PSMD14: variants seen among roughly 807,000 people sequenced by gnomAD.
PSMD14 encodes ubiquitin C-terminal hydrolase PSMD14.
PSMD14 carries 7 observed loss-of-function variants against 41.2 expected under a neutral mutation model. The ratio of observed to expected loss-of-function variants is 0.17; its 90% CI spans 0.10 to 0.32. The LOEUF (loss-of-function observed/expected upper bound fraction) is 0.32. PSMD14 is among the 10% of genes least tolerant of loss of function. PSMD14 has a pLI of 1.00. For missense variants in PSMD14, 139 were observed against 375.6 expected (o/e 0.37, Z 5.21); for synonymous variants, 114 against 122.3 (o/e 0.93, Z 0.45).
chr2:161,344,317 G>T (rs1223814540), intron 3 of PSMD14, among the ~76,000 whole-genome samples: 1 of 152,148 alleles, frequency 6.6e-6, no homozygotes, highest in Non-Finnish European at 1.5e-5. Context: ...TGGAGATCAG[G>T]GTGCCAGTGT....
rs142887426 is a variant in PSMD14, at chr2:161,407,279, G to T, written c.772-1558G>T. Among the ~76,000 whole-genome samples the T allele has an allele frequency of 1.6e-3, 248 of 152,172 alleles. 2 individuals carry two copies. Among genetic ancestry groups the T allele is most frequent in the African/African-American group, 5.8e-3 (240 of 41,550 alleles). On this transcript the variant is annotated intron_variant, in intron 10 of 11. Transcript: ENST00000409682. ...GTGGGAGAAGCAATTTCCCAGTTAG[G>T]AAATACTTTTATAACTGAAAATAAT... is the stretch of plus-strand genomic sequence containing the variant.
intron 1 of PSMD14, among the ~76,000 whole-genome samples, chr2:161,309,640 A>C (rs3769968): frequency 0.15 from 22,965 of 152,062 alleles, 2,065 homozygotes; most frequent in East Asian, 0.3. Context: ...TTTAGAGGTT[A>C]AGATATATAG....
intron 3 of PSMD14, among the ~76,000 whole-genome samples, chr2:161,355,264 A>G (rs181956517): frequency 2.0e-5 from 3 of 152,254 alleles, no homozygotes; most frequent in Admixed American, 6.5e-5. Flanking sequence ...GCAATTATTT[A>G]TTGATTTATT....
intron 3 of PSMD14, among the ~76,000 whole-genome samples, chr2:161,327,983 T>TGTGTGA (rs1425339320): frequency 6.7e-6 from 1 of 148,994 alleles, no homozygotes; most frequent in African/African-American, 2.5e-5. Context: ...TGTGTGTGTG[T>TGTGTGA]GAGATGTTGG....
intron 3 of PSMD14, among the ~76,000 whole-genome samples, chr2:161,366,387 A>AACACACACACACACAC (rs36202166): frequency 1.3e-5 from 2 of 148,398 alleles, no homozygotes; most frequent in Non-Finnish European, 3.0e-5. Flanking sequence ...AATAGAATTT[A>AACACACACACACACAC]ACACACACAC....
At chr2:161,392,939 T>C (rs955655446) in intron 9 of PSMD14, among the ~76,000 whole-genome samples, 3 of 152,194 alleles carry the variant, frequency 2.0e-5, no homozygotes, top group African/African-American at 7.2e-5. Context: ...TTCTTTCTTT[T>C]TTTTTGGGGA....
chr2:161,341,582 G>A (rs1436884308), intron 3 of PSMD14, among the ~76,000 whole-genome samples: 1 of 151,510 alleles, frequency 6.6e-6, no homozygotes, highest in African/African-American at 2.4e-5. Flanking sequence ...GCTCACGCCT[G>A]TAATCCCATC....
At chr2:161,389,775 A>AAG (rs1683681618) in intron 8 of PSMD14, among the ~76,000 whole-genome samples, 1 of 151,800 alleles carries the variant, frequency 6.6e-6, no homozygotes, top group Non-Finnish European at 1.5e-5. Flanking sequence ...GTATGTTAGA[A>AAG]AGAACATAGG....
At chr2:161,384,247 T>A (rs1197090725) in intron 7 of PSMD14, 1 of 151,638 alleles carries the variant, frequency 6.6e-6, no homozygotes, top group East Asian at 1.9e-4. Flanking sequence ...CTGATTAACT[T>A]GTCATCATGT....
Position 161,408,858 on chromosome 2 carries a change from A to G in PSMD14, c.793A>G (p.Met265Val). Reference protein sequence around the residue: ...YNKAVEEEDKMTPEQLAIKNV... With the variant: ...YNKAVEEEDKVTPEQLAIKNV... Reference sequence around the variant, plus strand: ...ACAGGCTGTAGAAGAAGAAGATAAGATGACACCTGAACAGCTGGCAATAAA... The same window carrying G: ...ACAGGCTGTAGAAGAAGAAGATAAGGTGACACCTGAACAGCTGGCAATAAA... Residue 265 changes from methionine to valine, a missense_variant, in exon 11 of 12, where the codon ATG (methionine) becomes GTG (valine). This residue lies in a region of PSMD14 where 80 missense variants were observed against 138.1 expected (regional missense o/e 0.58). Coordinates refer to ENST00000409682, the MANE Select transcript of PSMD14 (RefSeq NM_005805.6). 1 of 1,607,216 alleles carries G rather than the reference A, an allele frequency of 6.2e-7. No homozygotes were observed. The highest frequency in any genetic ancestry group is 8.5e-7 in the Non-Finnish European group (1 of 1,175,000).
At chr2:161,323,969 G>A (rs908574719) in intron 3 of PSMD14, among the ~76,000 whole-genome samples, 4 of 152,114 alleles carry the variant, frequency 2.6e-5, no homozygotes, top group Non-Finnish European at 4.4e-5. Context: ...GCATCTAAAC[G>A]ATTTCCAAAA....
chr2:161,367,736 A>T (rs1385248853), intron 4 of PSMD14, 48 bp from the exon 5 acceptor site: 21 of 1,593,272 alleles, frequency 1.3e-5, no homozygotes, highest in Non-Finnish European at 1.8e-5. Context: ...GAAGAACCAG[A>T]GACCTCAACG....
At chr2:161,314,462 G>T (rs1365590833) in intron 1 of PSMD14, among the ~76,000 whole-genome samples, 2 of 152,206 alleles carry the variant, frequency 1.3e-5, no homozygotes, top group Non-Finnish European at 2.9e-5. Flanking sequence ...TTCGCAGTGT[G>T]CCATTACCAC....
intron 6 of PSMD14, 113 bp downstream of exon 6, chr2:161,370,290 G>A (rs1301694663): frequency 8.9e-6 from 7 of 784,878 alleles, no homozygotes; most frequent in Non-Finnish European, 7.9e-6. Flanking sequence ...TTATGTAATT[G>A]ACATAAAAGT....
chr2:161,366,392 A>T (rs1683358639), intron 3 of PSMD14, among the ~76,000 whole-genome samples: 1 of 77,010 alleles, frequency 1.3e-5, no homozygotes, highest in Non-Finnish European at 2.4e-5. Flanking sequence ...AATTTAACAC[A>T]CACACACACA....
At chr2:161,409,102 G>T (rs972019762) in intron 11 of PSMD14, among the ~76,000 whole-genome samples, 2 of 152,020 alleles carry the variant, frequency 1.3e-5, no homozygotes, top group Non-Finnish European at 2.9e-5. Flanking sequence ...ATACCTAAGA[G>T]ATATTATCGT....
intron 1 of PSMD14, among the ~76,000 whole-genome samples, chr2:161,310,474 C>T (rs1689075796): frequency 6.6e-6 from 1 of 152,098 alleles, no homozygotes; most frequent in African/African-American, 2.4e-5. Context: ...GTCATATTCC[C>T]TGTTTGTTGC....
chr2:161,345,279 G>A (rs1683023933), intron 3 of PSMD14, among the ~76,000 whole-genome samples: 1 of 107,620 alleles, frequency 9.3e-6, no homozygotes, highest in Non-Finnish European at 1.7e-5. Flanking sequence ...GTCTTGCTCT[G>A]TCACCCAGGC....
intron 3 of PSMD14, among the ~76,000 whole-genome samples, chr2:161,320,978 G>A (rs564997686): frequency 2.6e-5 from 4 of 151,744 alleles, no homozygotes; most frequent in East Asian, 3.9e-4. Flanking sequence ...CACCTGCCTC[G>A]GCCTCCCAAA....
Sources: gnomAD v4.1 joint callset for allele counts (sites outside exome capture counted in the v4.1 genomes callset) on GRCh38, gnomAD v4.1.1 for gene constraint, gnomAD v4.1.1 regional missense constraint, MANE v1.5 for transcripts, NCBI Gene and HGNC (gene_info 2026-07-23, HGNC 2026-07-21) for gene names.